GINS3: variants seen among roughly 807,000 people sequenced by gnomAD.
GINS3 encodes the protein GINS complex subunit 3.
Under a neutral mutation model 20.0 loss-of-function variants are expected in GINS3, and 18 were observed. That is an observed-to-expected ratio of 0.90 (90% CI 0.62 to 1.33). GINS3 has a LOEUF of 1.33. Ranked by LOEUF, GINS3 falls within the 40% of genes most tolerant of loss-of-function variation. GINS3 has a pLI of 0.00. For missense variants in GINS3, 254 were observed against 273.6 expected (o/e 0.93, Z 0.51); for synonymous variants, 109 against 107.0 (o/e 1.02, Z -0.12).
rs1429632140 is a variant in GINS3 at position 58,403,530 on chromosome 16, A to T, written c.420+199A>T. 14 of 541,722 alleles carry T rather than the reference A, an allele frequency of 2.6e-5. No individual in the cohort carries two copies. In the South Asian group the frequency reaches 3.3e-4, roughly 13 times the overall value. 33.6% of individuals were successfully genotyped at this position (541,722 alleles called of 1,614,324 possible). On this transcript the variant is annotated intron_variant, in intron 2 of 2. Transcript: ENST00000318129. ...ACACACACACACACACATTTTTTTA[A>T]TATGACTTGTCTGCCACTCCTCATA...
Position 58,404,585 on chromosome 16 carries a change from C to T in GINS3, c.507C>T (p.Asp169=), listed in dbSNP as rs772007316. Residue 169 remains aspartate, a synonymous_variant, in exon 3 of 3, where the codon GAC becomes GAT. Transcript: ENST00000318129. ...EDTSALVARL[D]EMERGLFQTG... is the part of the protein sequence containing the mutation. ...CTTCAGCCCTGGTAGCCAGGCTAGA[C>T]GAGATGGAGAGGGGCTTATTTCAAA... is the stretch of plus-strand genomic sequence containing the variant. 11 of 1,613,944 alleles carry T rather than the reference C, an allele frequency of 6.8e-6. No individual in the cohort carries two copies. The highest frequency in any genetic ancestry group is 5.0e-5 in the Admixed American group (3 of 59,982).
In GINS3 at chr16:58,392,517, C is replaced by A; in HGVS notation, c.-85C>A. On this transcript the variant is annotated 5_prime_UTR_variant, in exon 1 of 3. Transcript: ENST00000318129. ...CCTGACCCCAACCATCCTGCCCAGT[C>A]TCCGCTTCCCCGTCTTGTACACCCC... 5 of 1,459,180 alleles carry A rather than the reference C, an allele frequency of 3.4e-6. No homozygotes were observed. The highest frequency in any genetic ancestry group is 4.7e-6 in the Non-Finnish European group (5 of 1,065,064). 90.4% of individuals were successfully genotyped at this position (1,459,180 alleles called of 1,614,324 possible). A position where few individuals can be genotyped will look rare whatever the true frequency, so the allele number is the denominator to read the frequency against.
At chr16:58,394,148 T>C (rs1451061793) in intron 1 of GINS3, among the ~76,000 whole-genome samples, 4 of 152,146 alleles carry the variant, frequency 2.6e-5, no homozygotes, top group African/African-American at 9.7e-5. Flanking sequence ...TAATGCCCTT[T>C]TTCTATTCTA....
intron 1 of GINS3, among the ~76,000 whole-genome samples, chr16:58,396,588 G>A (rs1215873662): frequency 2.5e-5 from 1 of 39,274 alleles, no homozygotes; most frequent in African/African-American, 1.3e-4. Context: ...CCTCCCTCCC[G>A]GACGGGGCGG....
At position 58,404,888 on chromosome 16, in the gene GINS3, G is replaced by T; in HGVS notation, c.*159G>T. ...TAGGGAACTGGACATGCTGGAGGAT[G>T]TGGGTGTCCCTGGCTCTGTGAGTCT... On this transcript the variant is annotated 3_prime_UTR_variant, in exon 3 of 3. Coordinates refer to ENST00000318129, the MANE Select transcript of GINS3 (RefSeq NM_022770.4). 1 of 628,634 alleles carries T rather than the reference G, an allele frequency of 1.6e-6. No individual in the cohort carries two copies. Among genetic ancestry groups the T allele is most frequent in the South Asian group, 2.0e-5 (1 of 51,048 alleles). 38.9% of individuals were successfully genotyped at this position (628,634 alleles called of 1,614,324 possible). A position where few individuals can be genotyped will look rare whatever the true frequency, so the allele number is the denominator to read the frequency against.
At chr16:58,403,066 GTT>G (rs758316887) in intron 1 of GINS3, 30 bp from the exon 2 acceptor site, 6 of 1,568,336 alleles carry the variant, frequency 3.8e-6, no homozygotes, top group East Asian at 4.5e-5. Context: ...TTACTTGTCT[GTT>G]TTTAAAATCT....
At chr16:58,395,881 G>A (rs1438235584) in intron 1 of GINS3, among the ~76,000 whole-genome samples, 3 of 152,000 alleles carry the variant, frequency 2.0e-5, no homozygotes, top group Non-Finnish European at 4.4e-5. Flanking sequence ...CCGGGCAGAG[G>A]GGCTCCTCAC....
intron 1 of GINS3, 61 bp downstream of exon 1, chr16:58,392,848 C>G: frequency 2.7e-6 from 4 of 1,457,766 alleles, no homozygotes; most frequent in Non-Finnish European, 3.6e-6. Flanking sequence ...GGCCCCTCGG[C>G]CCTGGGACGC....
chr16:58,399,772 C>A (rs767638252), intron 1 of GINS3, among the ~76,000 whole-genome samples: 50 of 151,802 alleles, frequency 3.3e-4, no homozygotes, highest in Admixed American at 5.9e-4. Context: ...GTTATATATT[C>A]TTCTGTTATT....
chr16:58,398,450 A>T (rs1042105097), intron 1 of GINS3, among the ~76,000 whole-genome samples: 22 of 151,916 alleles, frequency 1.4e-4, no homozygotes, highest in Admixed American at 9.8e-4. Flanking sequence ...TCTACAAAAA[A>T]TTTTTTAAAA....
rs778567633 is a variant in GINS3 at position 58,404,671 on chromosome 16, C to G, written c.593C>G (p.Thr198Arg). 1 of 1,614,166 alleles carries G rather than the reference C, an allele frequency of 6.2e-7. No individual in the cohort carries two copies. Among genetic ancestry groups the G allele is most frequent in the East Asian group, 2.2e-5 (1 of 44,880 alleles). The change falls in exon 3 of 3, where the codon ACA (threonine) becomes AGA (arginine). Residue 198 changes from threonine to arginine, a missense_variant. Transcript: ENST00000318129. Reference protein sequence around the residue: ...CWEKGQASQITASNLVQNYKK... With the variant: ...CWEKGQASQIRASNLVQNYKK... ...GAGAAGGGGCAGGCTTCTCAGATCA[C>G]AGCTTCCAACCTCGTTCAGAATTAC...
At chr16:58,396,215 G>A (rs1307340428) in intron 1 of GINS3, among the ~76,000 whole-genome samples, 2 of 127,292 alleles carry the variant, frequency 1.6e-5, no homozygotes, top group African/African-American at 3.1e-5. Context: ...GGGCGGCCGG[G>A]CAGAGGCGCC....
At chr16:58,393,762 A>C (rs1298671966) in intron 1 of GINS3, 2 of 150,906 alleles carry the variant, frequency 1.3e-5, no homozygotes, top group African/African-American at 2.4e-5. Context: ...CCCAGGAGGC[A>C]GAGGTTGCAG....
intron 1 of GINS3, among the ~76,000 whole-genome samples, chr16:58,400,717 T>C (rs1365702358): frequency 1.3e-5 from 2 of 152,178 alleles, no homozygotes; most frequent in Non-Finnish European, 2.9e-5. Context: ...GGGTATAAGA[T>C]TTTACACTCA....
chr16:58,404,744 C>T lies in GINS3; in HGVS notation c.*15C>T, dbSNP rs372512671. 6.3e-7 allele frequency: 1 copy of T among 1,578,544 alleles called. No individual in the cohort carries two copies. ...TGGAAGACTGAAAGCCGGAAGAACA[C>T]AGAATGGCTCCTCACAGACGTATCC... On this transcript the variant is annotated 3_prime_UTR_variant, in exon 3 of 3. Coordinates refer to ENST00000318129, the MANE Select transcript of GINS3 (RefSeq NM_022770.4).
At chr16:58,393,092 C>T (rs570531063) in intron 1 of GINS3, among the ~76,000 whole-genome samples, 1 of 152,280 alleles carries the variant, frequency 6.6e-6, no homozygotes, top group East Asian at 1.9e-4. Context: ...CCCCATGCAA[C>T]GTGTGTTGAA....
intron 1 of GINS3, among the ~76,000 whole-genome samples, chr16:58,397,439 G>A (rs1304990849): frequency 2.0e-5 from 3 of 151,054 alleles, no homozygotes; most frequent in Non-Finnish European, 4.4e-5. Context: ...TCGGCACTTT[G>A]GGGGGCCAAG....
intron 1 of GINS3, among the ~76,000 whole-genome samples, chr16:58,397,990 C>T (rs940362570): frequency 5.9e-5 from 9 of 152,086 alleles, no homozygotes; most frequent in African/African-American, 2.2e-4. Context: ...CTTGATTACC[C>T]TTGCCAGGAG....
intron 1 of GINS3, chr16:58,395,220 T>C (rs781326944): frequency 5.0e-6 from 2 of 402,092 alleles, no homozygotes; most frequent in South Asian, 2.3e-4. Context: ...GTATTGCAGG[T>C]ACATGCCACC....
Sources: gnomAD v4.1 joint callset for allele counts (sites outside exome capture counted in the v4.1 genomes callset) on GRCh38, gnomAD v4.1.1 for gene constraint, MANE v1.5 for transcripts, NCBI Gene and HGNC (gene_info 2026-07-23, HGNC 2026-07-21) for gene names.